FSTL5: variants seen among roughly 807,000 people sequenced by gnomAD.
FSTL5 encodes follistatin-related protein 5.
In FSTL5, 62 loss-of-function variants were observed where a neutral mutation model predicts 89.1. That is an observed-to-expected ratio of 0.70 (90% CI 0.57 to 0.86). The LOEUF is 0.86. FSTL5 is among the 40% of genes least tolerant of loss of function. The pLI is 0.00. For synonymous variants in FSTL5, 383 were observed against 346.2 expected (o/e 1.11, Z -1.18); for missense variants, 1,057 against 1,001.6 (o/e 1.06, Z -0.75).
chr4:161,488,170 C>A (rs889036459), intron 12 of FSTL5, among the ~76,000 whole-genome samples: 1 of 151,966 alleles, frequency 6.6e-6, no homozygotes, highest in Non-Finnish European at 1.5e-5. Flanking sequence ...TGCTTATAAC[C>A]AAAGCAATAC....
intron 2 of FSTL5, among the ~76,000 whole-genome samples, chr4:162,083,490 TA>T (rs1254629681): frequency 6.6e-6 from 1 of 151,644 alleles, no homozygotes; most frequent in African/African-American, 2.4e-5. Context: ...CGTTTTTCAT[TA>T]AAAAAGTTTT....
At chr4:161,462,975 A>G (rs1291573419) in intron 13 of FSTL5, among the ~76,000 whole-genome samples, 2 of 152,172 alleles carry the variant, frequency 1.3e-5, no homozygotes, top group East Asian at 3.8e-4. Context: ...AAGAAGTACA[A>G]TGCAGGATAA....
At chr4:161,565,264 C>T (rs936159768) in intron 8 of FSTL5, among the ~76,000 whole-genome samples, 1 of 147,346 alleles carries the variant, frequency 6.8e-6, no homozygotes, top group East Asian at 2.0e-4. Flanking sequence ...TATAATTAGC[C>T]ATAAGAACAT....
chr4:161,883,744 G>A (rs1732710231), intron 4 of FSTL5, among the ~76,000 whole-genome samples: 1 of 152,152 alleles, frequency 6.6e-6, no homozygotes, highest in Non-Finnish European at 1.5e-5. Flanking sequence ...AGCTCCCTGA[G>A]ATCAGAGACC....
chr4:161,994,956 G>T (rs1447467188), intron 3 of FSTL5, among the ~76,000 whole-genome samples: 3 of 152,086 alleles, frequency 2.0e-5, no homozygotes, highest in Non-Finnish European at 4.4e-5. Context: ...TGAAATACTT[G>T]TCCATTCCTA....
At chr4:161,729,344 T>C (rs1390541030) in intron 6 of FSTL5, among the ~76,000 whole-genome samples, 1 of 152,138 alleles carries the variant, frequency 6.6e-6, no homozygotes, top group African/African-American at 2.4e-5. Flanking sequence ...CTTCTTCCCA[T>C]CAATTTTCCT....
intron 4 of FSTL5, among the ~76,000 whole-genome samples, chr4:161,847,960 C>A: frequency 7.8e-6 from 1 of 128,286 alleles, no homozygotes; most frequent in Admixed American, 1.0e-4. Flanking sequence ...CTCTTGAACC[C>A]GGGAGGCAGA....
At chr4:161,655,122 T>C (rs967858777) in intron 7 of FSTL5, among the ~76,000 whole-genome samples, 3 of 152,108 alleles carry the variant, frequency 2.0e-5, no homozygotes, top group Non-Finnish European at 4.4e-5. Context: ...AAAGTGTCTT[T>C]ATTGTCTTTT....
chr4:161,951,212 T>G (rs10034243), intron 3 of FSTL5, among the ~76,000 whole-genome samples: 50,840 of 151,874 alleles, frequency 0.33, 9,969 homozygotes, highest in Non-Finnish European at 0.43. Context: ...ATGTGGAACT[T>G]TGAGTCCATT....
At chr4:161,461,926 A>C (rs914246758) in intron 13 of FSTL5, among the ~76,000 whole-genome samples, 2 of 75,586 alleles carry the variant, frequency 2.6e-5, no homozygotes, top group African/African-American at 1.2e-4. Context: ...AAATGAAAAA[A>C]GAAACAGTAA....
intron 2 of FSTL5, among the ~76,000 whole-genome samples, chr4:162,055,320 T>G (rs1738504180): frequency 6.6e-6 from 1 of 151,752 alleles, no homozygotes; most frequent in Admixed American, 6.6e-5. Flanking sequence ...AATTACATGC[T>G]TATATACAAA....
intron 1 of FSTL5, among the ~76,000 whole-genome samples, chr4:162,122,073 A>C (rs2111435091): frequency 6.6e-6 from 1 of 152,168 alleles, no homozygotes; most frequent in South Asian, 2.1e-4. Flanking sequence ...GTAGGCTATT[A>C]ATAGTTAAGT....
At chr4:161,890,240 A>G (rs191767805) in intron 4 of FSTL5, among the ~76,000 whole-genome samples, 1 of 152,312 alleles carries the variant, frequency 6.6e-6, no homozygotes, top group East Asian at 1.9e-4. Flanking sequence ...ATGGGTACAC[A>G]TGATTAAACG....
At chr4:161,902,517 G>C (rs1454781215) in intron 4 of FSTL5, among the ~76,000 whole-genome samples, 2 of 152,146 alleles carry the variant, frequency 1.3e-5, no homozygotes, top group Admixed American at 1.3e-4. Flanking sequence ...TTTTTAAAGT[G>C]AGAATGAATG....
intron 1 of FSTL5, among the ~76,000 whole-genome samples, chr4:162,146,140 T>C (rs1312745783): frequency 6.6e-6 from 1 of 152,142 alleles, no homozygotes; most frequent in African/African-American, 2.4e-5. Context: ...AACCTAAAGC[T>C]TAACCAATTA....
chr4:161,562,445 A>G (rs1389990517), intron 8 of FSTL5, among the ~76,000 whole-genome samples: 2 of 151,932 alleles, frequency 1.3e-5, no homozygotes, highest in Non-Finnish European at 2.9e-5. Flanking sequence ...TAAGTATTGA[A>G]ATTTATCAAC....
At chr4:161,897,575 C>CAAAAAAAAAAAAAAAAAAAAA (rs35785865) in intron 4 of FSTL5, among the ~76,000 whole-genome samples, 1 of 81,450 alleles carries the variant, frequency 1.2e-5, no homozygotes, top group Non-Finnish European at 2.5e-5. Context: ...AACTCCGTCT[C>CAAAAAAAAAAAAAAAAAAAAA]AAAAAAAAAA....
At chr4:161,765,783 T>C (rs906597389) in intron 5 of FSTL5, among the ~76,000 whole-genome samples, 5 of 151,848 alleles carry the variant, frequency 3.3e-5, no homozygotes, top group Non-Finnish European at 7.4e-5. Context: ...AAGGGAAGTA[T>C]TTTATTCTAA....
Position 161,640,574 on chromosome 4 carries a change from T to C in FSTL5, c.894+15754A>G, listed in dbSNP as rs186675839. ...AGATTTTAACAGGAAGAAAAAAGAA[T>C]CAGTGAACTTGAACCTAAGATAGTA... On this transcript the variant is annotated intron_variant, in intron 7 of 15. Transcript: ENST00000306100. Among the ~76,000 whole-genome samples, 714 of 152,226 alleles carry C rather than the reference T, an allele frequency of 4.7e-3. 3 individuals are homozygous for C. Among genetic ancestry groups the C allele is most frequent in the Middle Eastern group, 0.024 (7 of 294 alleles).
Sources: allele counts gnomAD v4.1 joint callset (sites outside exome capture counted in the v4.1 genomes callset), GRCh38; gene constraint gnomAD v4.1.1; transcripts MANE v1.5; gene names NCBI Gene and HGNC (gene_info 2026-07-23, HGNC 2026-07-21).